SHC4: variants seen among roughly 807,000 people sequenced by gnomAD.
SHC4 encodes the protein SHC adaptor protein 4.
SHC4 carries 41 observed loss-of-function variants against 69.4 expected under a neutral mutation model. The ratio of observed to expected loss-of-function variants is 0.59; its 90% confidence interval spans 0.46 to 0.77. The LOEUF is 0.77. Among genes scored for constraint, SHC4 ranks in the 30% least tolerant of loss-of-function variants. SHC4 has a pLI of 0.00. For synonymous variants in SHC4, 318 were observed against 299.3 expected (o/e 1.06, Z -0.64); for missense variants, 777 against 783.8 (o/e 0.99, Z 0.10).
intron 1 of SHC4, 85 bp downstream of exon 1, chr15:48,962,346 G>T: frequency 7.3e-7 from 1 of 1,371,740 alleles, no homozygotes; most frequent in Non-Finnish European, 9.9e-7. Flanking sequence ...AACCCAGGCA[G>T]GTAACATTAG....
chr15:48,899,379 A>G (rs1460876566), intron 2 of SHC4, among the ~76,000 whole-genome samples: 1 of 152,206 alleles, frequency 6.6e-6, no homozygotes, highest in Non-Finnish European at 1.5e-5. Flanking sequence ...AGGCAGGAGA[A>G]TTGCTTGAAC....
At chr15:48,947,631 T>A (rs1380473951) in intron 1 of SHC4, among the ~76,000 whole-genome samples, 1 of 152,168 alleles carries the variant, frequency 6.6e-6, no homozygotes, top group East Asian at 1.9e-4. Context: ...CCTAGAAGCA[T>A]TGGGTAAATA....
chr15:48,946,551 G>T lies in SHC4; in HGVS notation c.585+15880C>A, dbSNP rs891503170. 2.8e-5 allele frequency: 27 copies of T among 978,904 alleles called. No homozygotes were observed. The African/African-American group carries it at 4.2e-4, about 15-fold the overall frequency. The allele number at this position is 978,904 out of a possible 1,614,324, so 60.6% of individuals were successfully genotyped here. On this transcript the variant is annotated intron_variant, in intron 1 of 11. Transcript: ENST00000332408. Reference sequence around the variant, plus strand: ...AAGTGACAGCCTAGTTGTAAAATCGGATTCTTACATTTTCTGAAGAGAAAT... The same window carrying T: ...AAGTGACAGCCTAGTTGTAAAATCGTATTCTTACATTTTCTGAAGAGAAAT...
intron 6 of SHC4, among the ~76,000 whole-genome samples, chr15:48,860,157 C>CTT (rs34795478): frequency 4.8e-4 from 73 of 151,400 alleles, no homozygotes; most frequent in South Asian, 1.0e-3. Flanking sequence ...CAAATAAATA[C>CTT]TTTTTTTTTA....
At chr15:48,869,181 G>C (rs1385968075) in intron 5 of SHC4, among the ~76,000 whole-genome samples, 1 of 152,176 alleles carries the variant, frequency 6.6e-6, no homozygotes, top group African/African-American at 2.4e-5. Flanking sequence ...TTTAATTTTT[G>C]ACATACTCAC....
intron 1 of SHC4, among the ~76,000 whole-genome samples, chr15:48,925,852 T>G (rs1413252333): frequency 6.6e-6 from 1 of 151,990 alleles, no homozygotes; most frequent in Non-Finnish European, 1.5e-5. Flanking sequence ...AGGGATGGTG[T>G]CAATAGGAAG....
At chr15:48,893,032 T>G (rs1408911482) in intron 2 of SHC4, among the ~76,000 whole-genome samples, 1 of 152,224 alleles carries the variant, frequency 6.6e-6, no homozygotes, top group Non-Finnish European at 1.5e-5. Context: ...TATAGCATCT[T>G]GTAATTTCAC....
intron 2 of SHC4, among the ~76,000 whole-genome samples, chr15:48,917,415 G>A (rs56377033): frequency 0.023 from 3,485 of 152,166 alleles, 56 homozygotes; most frequent in Non-Finnish European, 0.038. Context: ...GTCATTCTTA[G>A]CATGATCTTC....
At chr15:48,894,686 T>G (rs964086906) in intron 2 of SHC4, among the ~76,000 whole-genome samples, 1 of 152,196 alleles carries the variant, frequency 6.6e-6, no homozygotes, top group Non-Finnish European at 1.5e-5. Flanking sequence ...ATAAAAAATC[T>G]TGAGCACGTT....
intron 11 of SHC4, among the ~76,000 whole-genome samples, chr15:48,828,900 T>C (rs1175356466): frequency 1.3e-5 from 2 of 152,216 alleles, no homozygotes; most frequent in Admixed American, 6.5e-5. Flanking sequence ...GCGTTCCTTA[T>C]ATATTTTGGA....
At chr15:48,862,200 T>G (rs1209383272) in intron 6 of SHC4, among the ~76,000 whole-genome samples, 1 of 151,818 alleles carries the variant, frequency 6.6e-6, no homozygotes, top group Admixed American at 6.6e-5. Flanking sequence ...TTTGGGGTTT[T>G]TTTTTTTTTA....
chr15:48,918,591 T>C (rs1166589761), intron 2 of SHC4, among the ~76,000 whole-genome samples: 1 of 152,216 alleles, frequency 6.6e-6, no homozygotes, highest in Non-Finnish European at 1.5e-5. Context: ...TTTTTTATGT[T>C]TATAAAGTCT....
At chr15:48,826,620 T>C (rs1898694976) in intron 11 of SHC4, among the ~76,000 whole-genome samples, 1 of 152,192 alleles carries the variant, frequency 6.6e-6, no homozygotes, top group African/African-American at 2.4e-5. Flanking sequence ...GGTAGGCACT[T>C]GTCACCCAAT....
rs1236293734 is a variant in SHC4 at position 48,824,084 on chromosome 15, C to A, written c.*1887G>T. On this transcript the variant is annotated 3_prime_UTR_variant, in exon 12 of 12. Coordinates refer to ENST00000332408, the MANE Select transcript of SHC4 (RefSeq NM_203349.4). ...TCTCTGATAAAAGTGGTTAGACTACCCATACATTTCTACTGTCTATACTCA... is the reference window on the plus strand; with the variant it reads ...TCTCTGATAAAAGTGGTTAGACTACACATACATTTCTACTGTCTATACTCA... The A allele has an allele frequency of 6.6e-6, 1 of 152,146 alleles. No individual in the cohort carries two copies. The highest frequency in any genetic ancestry group is 6.5e-5 in the Admixed American group (1 of 15,268). The allele number at this position is 152,146 out of a possible 1,614,324, so 9.4% of individuals were successfully genotyped here.
chr15:48,895,465 G>A (rs1353717980), intron 2 of SHC4, among the ~76,000 whole-genome samples: 1 of 152,086 alleles, frequency 6.6e-6, no homozygotes, highest in Non-Finnish European at 1.5e-5. Flanking sequence ...TTGGCCAATC[G>A]TTAATACCCG....
At chr15:48,906,358 C>A (rs1900405411) in intron 2 of SHC4, among the ~76,000 whole-genome samples, 1 of 152,048 alleles carries the variant, frequency 6.6e-6, no homozygotes, top group Non-Finnish European at 1.5e-5. Context: ...GTCTTCTTTT[C>A]CTTTTGAGGT....
chr15:48,944,059 C>T (rs1901228252), intron 1 of SHC4, among the ~76,000 whole-genome samples: 1 of 151,902 alleles, frequency 6.6e-6, no homozygotes, highest in African/African-American at 2.4e-5. Flanking sequence ...TAGCTGTTGG[C>T]CATTTTTATG....
At chr15:48,951,581 A>T (rs1394450892) in intron 1 of SHC4, among the ~76,000 whole-genome samples, 2 of 152,096 alleles carry the variant, frequency 1.3e-5, no homozygotes, top group Non-Finnish European at 2.9e-5. Flanking sequence ...GATTTCCTAC[A>T]TATGCCTCTT....
chr15:48,881,589 G>T (rs1017283406), intron 4 of SHC4, among the ~76,000 whole-genome samples: 1 of 152,140 alleles, frequency 6.6e-6, no homozygotes, highest in Non-Finnish European at 1.5e-5. Flanking sequence ...ACTAAAGGAT[G>T]TCTCAATTTT....
Sources: allele counts gnomAD v4.1 joint callset (sites outside exome capture counted in the v4.1 genomes callset), GRCh38; gene constraint gnomAD v4.1.1; transcripts MANE v1.5; gene names NCBI Gene and HGNC (gene_info 2026-07-23, HGNC 2026-07-21).